MEGF11: variants seen among roughly 807,000 people sequenced by gnomAD.
MEGF11 encodes multiple epidermal growth factor-like domains protein 11.
MEGF11 carries 126 observed loss-of-function variants against 146.6 expected under a neutral mutation model. The observed-to-expected ratio is 0.86, with a 90% CI of 0.74 to 1.00. The LOEUF is 1.00. MEGF11 is among the 50% of genes least tolerant of loss of function. MEGF11 has a pLI of 0.00. For synonymous variants in MEGF11, 532 were observed against 583.4 expected (o/e 0.91, Z 1.27); for missense variants, 1,509 against 1,521.2 (o/e 0.99, Z 0.13).
intron 10 of MEGF11, among the ~76,000 whole-genome samples, chr15:65,948,951 G>A (rs1319949357): frequency 6.6e-6 from 1 of 152,182 alleles, no homozygotes; most frequent in Non-Finnish European, 1.5e-5. Context: ...GCTGCATTCA[G>A]GAAAATCTTT....
chr15:66,230,098 G>A (rs1317365709), intron 1 of MEGF11, among the ~76,000 whole-genome samples: 2 of 152,174 alleles, frequency 1.3e-5, no homozygotes, highest in Non-Finnish European at 2.9e-5. Context: ...TTAGGCGGCT[G>A]TGTCCCGGAA....
intron 5 of MEGF11, among the ~76,000 whole-genome samples, chr15:66,009,075 G>A (rs2082617576): frequency 6.6e-6 from 1 of 152,126 alleles, no homozygotes; most frequent in Non-Finnish European, 1.5e-5. Flanking sequence ...GAAATCCCTG[G>A]TTCGTTGGAG....
chr15:66,205,456 G>C (rs79393235), intron 1 of MEGF11, among the ~76,000 whole-genome samples: 3,614 of 152,154 alleles, frequency 0.024, 142 homozygotes, highest in African/African-American at 0.081. Flanking sequence ...GGGTGGTGGG[G>C]ATAACAGCCA....
At chr15:66,130,431 C>G (rs912003060) in intron 1 of MEGF11, among the ~76,000 whole-genome samples, 4 of 152,116 alleles carry the variant, frequency 2.6e-5, no homozygotes, top group Non-Finnish European at 5.9e-5. Context: ...CCCGAGAGAA[C>G]CTCCTGACAG....
chr15:66,205,919 C>T (rs929600566), intron 1 of MEGF11, among the ~76,000 whole-genome samples: 7 of 152,118 alleles, frequency 4.6e-5, no homozygotes, highest in African/African-American at 1.7e-4. Flanking sequence ...TACCAAAAAC[C>T]AGGAGAATAT....
chr15:66,019,270 C>T (rs576918088), intron 5 of MEGF11, among the ~76,000 whole-genome samples: 1 of 152,330 alleles, frequency 6.6e-6, no homozygotes, highest in Non-Finnish European at 1.5e-5. Flanking sequence ...CCAATCCTGA[C>T]ATGGCATCCT....
At chr15:66,001,784 G>A (rs1026242824) in intron 5 of MEGF11, among the ~76,000 whole-genome samples, 5 of 152,176 alleles carry the variant, frequency 3.3e-5, no homozygotes, top group Admixed American at 6.5e-5. Flanking sequence ...GAACCAAAGG[G>A]GGTCCCAGTG....
At chr15:66,116,135 C>A (rs2087716435) in intron 4 of MEGF11, among the ~76,000 whole-genome samples, 1 of 152,176 alleles carries the variant, frequency 6.6e-6, no homozygotes, top group African/African-American at 2.4e-5. Context: ...TCCCACCCAC[C>A]CCTGACGGCG....
chr15:66,229,972 T>C (rs1041234092), intron 1 of MEGF11, among the ~76,000 whole-genome samples: 2 of 152,224 alleles, frequency 1.3e-5, no homozygotes, highest in African/African-American at 4.8e-5. Context: ...TGGTGCGAAC[T>C]TCCTGTCCTG....
At chr15:66,143,115 A>G (rs2089231387) in intron 1 of MEGF11, among the ~76,000 whole-genome samples, 1 of 152,266 alleles carries the variant, frequency 6.6e-6, no homozygotes, top group Non-Finnish European at 1.5e-5. Flanking sequence ...CAGTGCGGAT[A>G]TCAATAAACA....
chr15:66,244,710 A>C (rs2140249791), intron 1 of MEGF11, among the ~76,000 whole-genome samples: 1 of 152,326 alleles, frequency 6.6e-6, no homozygotes, highest in African/African-American at 2.4e-5. Context: ...AATCACCTGA[A>C]GTAGTACCCA....
At chr15:65,908,177 G>A (rs2078688091) in intron 23 of MEGF11, among the ~76,000 whole-genome samples, 1 of 152,202 alleles carries the variant, frequency 6.6e-6, no homozygotes, top group Non-Finnish European at 1.5e-5. Flanking sequence ...GTGGGCAGAT[G>A]AATTCAGAAC....
At chr15:65,950,840 T>A (rs2080378368) in intron 10 of MEGF11, among the ~76,000 whole-genome samples, 1 of 152,234 alleles carries the variant, frequency 6.6e-6, no homozygotes, top group Non-Finnish European at 1.5e-5. Flanking sequence ...CCAGTCCCAC[T>A]GTAGCTATCT....
intron 1 of MEGF11, among the ~76,000 whole-genome samples, chr15:66,195,028 A>G (rs1406926353): frequency 6.6e-6 from 1 of 151,996 alleles, no homozygotes; most frequent in African/African-American, 2.4e-5. Context: ...AAAAAAAACA[A>G]AAGAAAGAAA....
At chr15:65,989,192 G>A (rs2081959291) in intron 5 of MEGF11, among the ~76,000 whole-genome samples, 1 of 152,196 alleles carries the variant, frequency 6.6e-6, no homozygotes, top group African/African-American at 2.4e-5. Flanking sequence ...AGGATGCTGG[G>A]CTGGAGGTGG....
rs902314466 is a variant in MEGF11 at position 66,081,540 on chromosome 15, A to G, written c.394+12862T>C. On this transcript the variant is annotated intron_variant, in intron 5 of 25. Coordinates refer to ENST00000395614, the MANE Select transcript of MEGF11 (RefSeq NM_001385028.1). The stretch of plus-strand genomic sequence containing the variant: ...ATTACAGGCGCCCTCCACCATGCCC[A>G]GCTAATTTCTGTATTTTTAGTAGAG... Among the ~76,000 whole-genome samples, 8 of 152,204 alleles carry G rather than the reference A, an allele frequency of 5.3e-5. No individual in the cohort carries two copies. The South Asian group carries it at 1.5e-3, about 28-fold the overall frequency.
intron 5 of MEGF11, among the ~76,000 whole-genome samples, chr15:66,057,942 C>T (rs2140390204): frequency 6.6e-6 from 1 of 152,244 alleles, no homozygotes; most frequent in Non-Finnish European, 1.5e-5. Context: ...TGAAATCAAG[C>T]AGTAGCTTTA....
At chr15:66,037,915 C>T (rs2083788759) in intron 5 of MEGF11, among the ~76,000 whole-genome samples, 1 of 152,248 alleles carries the variant, frequency 6.6e-6, no homozygotes, top group Admixed American at 6.5e-5. Context: ...TCAACCCTGA[C>T]ATCCCCATGG....
In MEGF11 at chr15:65,940,257, A is replaced by G. The variant is rs192878751; in HGVS notation, c.1288-9314T>C. On this transcript the variant is annotated intron_variant, in intron 10 of 25. Transcript: ENST00000395614. ...TAATGGGGACTGCTTTTGGTGTCCA[A>G]TGCCGCATCCATGCCAGCAGCACAC... is the stretch of plus-strand genomic sequence containing the variant. Among the ~76,000 whole-genome samples, 300 of 152,286 alleles carry G rather than the reference A, an allele frequency of 2.0e-3. 1 individual carries two copies. The highest frequency in any genetic ancestry group is 6.8e-3 in the African/African-American group (283 of 41,556).
Sources: gnomAD v4.1 joint callset for allele counts (sites outside exome capture counted in the v4.1 genomes callset) on GRCh38, gnomAD v4.1.1 for gene constraint, MANE v1.5 for transcripts, NCBI Gene and HGNC (gene_info 2026-07-23, HGNC 2026-07-21) for gene names.